Variants in MYRFL observed in about 807,000 individuals in gnomAD.
MYRFL encodes the protein myelin regulatory factor like.
A neutral mutation model predicts 109.4 loss-of-function variants in MYRFL; 88 were observed. That is an observed-to-expected ratio of 0.80 (90% CI 0.68 to 0.96). The LOEUF is 0.96. Among genes scored for constraint, MYRFL ranks in the 40% least tolerant of loss-of-function variants. The pLI is 0.00. For synonymous variants in MYRFL, 324 were observed against 320.9 expected (o/e 1.01, Z -0.10); for missense variants, 957 against 954.9 (o/e 1.00, Z -0.03).
chr12:69,928,347 A>G (rs1001444699), intron 15 of MYRFL, among the ~76,000 whole-genome samples: 1 of 152,220 alleles, frequency 6.6e-6, no homozygotes, highest in African/African-American at 2.4e-5. Context: ...AGAAGCTGCA[A>G]TACACCCTTT....
chr12:69,882,146 G>T (rs890208008), intron 5 of MYRFL, among the ~76,000 whole-genome samples: 9 of 152,148 alleles, frequency 5.9e-5, no homozygotes, highest in Non-Finnish European at 8.8e-5. Flanking sequence ...GAACAACCAT[G>T]GAAGAGTGAT....
In MYRFL at chr12:69,949,154, G is replaced by A. The variant is rs543535709; in HGVS notation, c.2225-2959G>A. Reference sequence around the variant, plus strand: ...GTGAAAGGAGTTGTAACCAGGATAGGGATGTTTAGGAGTGATTGTCCCCAA... The same window carrying A: ...GTGAAAGGAGTTGTAACCAGGATAGAGATGTTTAGGAGTGATTGTCCCCAA... On this transcript the variant is annotated intron_variant, in intron 19 of 24. Coordinates refer to ENST00000552032, the MANE Select transcript of MYRFL (RefSeq NM_182530.3). Among the ~76,000 whole-genome samples the A allele has an allele frequency of 7.6e-4, 116 of 151,816 alleles. 2 individuals are homozygous for A. The highest frequency in any genetic ancestry group is 4.4e-4 in the Non-Finnish European group (30 of 67,968).
At chr12:69,895,710 C>T (rs1953967843) in intron 9 of MYRFL, among the ~76,000 whole-genome samples, 1 of 152,202 alleles carries the variant, frequency 6.6e-6, no homozygotes, top group Admixed American at 6.5e-5. Flanking sequence ...CTGCCCTGCC[C>T]TGTCTCTGCC....
At chr12:69,881,067 G>A (rs1272456) in intron 5 of MYRFL, among the ~76,000 whole-genome samples, 24,185 of 147,648 alleles carry the variant, frequency 0.16, 2,269 homozygotes, top group Middle Eastern at 0.23. Flanking sequence ...AAAATTTTCA[G>A]AGTAAATGCT....
chr12:69,886,305 A>G (rs576879226), intron 5 of MYRFL, among the ~76,000 whole-genome samples: 2 of 152,206 alleles, frequency 1.3e-5, no homozygotes, highest in Admixed American at 1.3e-4. Flanking sequence ...CTTTTCCCTC[A>G]TGTCCGAAAA....
chr12:69,916,008 A>G (rs1294732606), intron 13 of MYRFL, among the ~76,000 whole-genome samples: 3 of 151,838 alleles, frequency 2.0e-5, no homozygotes, highest in Non-Finnish European at 2.9e-5. Context: ...TATTCCTTGG[A>G]CAATTCTTGT....
At chr12:69,852,612 T>G (rs1399706330) in intron 1 of MYRFL, among the ~76,000 whole-genome samples, 2 of 144,188 alleles carry the variant, frequency 1.4e-5, no homozygotes, top group African/African-American at 5.1e-5. Flanking sequence ...TATTTATTGA[T>G]CATTCTTGGG....
intron 5 of MYRFL, among the ~76,000 whole-genome samples, chr12:69,884,123 C>T (rs1886306631): frequency 6.6e-6 from 1 of 152,138 alleles, no homozygotes; most frequent in South Asian, 2.1e-4. Flanking sequence ...GTGTACTCTT[C>T]TTGATGTACA....
At chr12:69,845,331 C>T (rs1883464479) in intron 1 of MYRFL, among the ~76,000 whole-genome samples, 1 of 152,112 alleles carries the variant, frequency 6.6e-6, no homozygotes, top group African/African-American at 2.4e-5. Context: ...ATGGTAGGTC[C>T]TTAGTAAATT....
intron 16 of MYRFL, among the ~76,000 whole-genome samples, chr12:69,933,474 C>A (rs1955335715): frequency 6.6e-6 from 1 of 152,114 alleles, no homozygotes. Context: ...TGGGGCCCGT[C>A]TTAGGGGAGA....
Position 69,903,772 on chromosome 12 carries a change from CT to C in MYRFL, c.1312del (p.Cys438ValfsTer4). On this transcript the variant is annotated frameshift_variant, in exon 11 of 25. Transcript: ENST00000552032. LOFTEE classifies it high-confidence loss of function. ...TDAPDEALVV[C>X]GNMKVMGTIM... is the part of the protein sequence containing the mutation. ...ATGCGCCGGACGAAGCCCTGGTTGT[CT>C]GTGGCAACATGAAAGTGATGGGGAC... is the stretch of plus-strand genomic sequence containing the variant. 6.5e-7 allele frequency: 1 copy of C among 1,535,760 alleles called. No individual in the cohort carries two copies. Among genetic ancestry groups the C allele is most frequent in the Middle Eastern group, 1.7e-4 (1 of 5,982 alleles).
intron 1 of MYRFL, among the ~76,000 whole-genome samples, chr12:69,852,196 T>C (rs567136766): frequency 6.6e-6 from 1 of 152,212 alleles, no homozygotes; most frequent in African/African-American, 2.4e-5. Flanking sequence ...AGAAAACAAA[T>C]ATGTGGGGTT....
At chr12:69,876,454 T>G (rs74101364) in intron 2 of MYRFL, among the ~76,000 whole-genome samples, 4,614 of 152,208 alleles carry the variant, frequency 0.03, 244 homozygotes, top group African/African-American at 0.11. Context: ...GGTAGGAGTT[T>G]AATCATCATA....
At chr12:69,842,079 T>G (rs1160302215) in intron 1 of MYRFL, among the ~76,000 whole-genome samples, 2 of 152,212 alleles carry the variant, frequency 1.3e-5, no homozygotes, top group Non-Finnish European at 2.9e-5. Context: ...ACCAGAATCC[T>G]TAACTACTAT....
At chr12:69,864,661 A>G (rs1299546208) in intron 2 of MYRFL, among the ~76,000 whole-genome samples, 1 of 24,222 alleles carries the variant, frequency 4.1e-5, no homozygotes, top group Non-Finnish European at 7.0e-5. Context: ...ACACACACAC[A>G]CACACACAAA....
chr12:69,952,939 T>C, intron 21 of MYRFL, 53 bp downstream of exon 21: 2 of 1,300,596 alleles, frequency 1.5e-6, no homozygotes, highest in Non-Finnish European at 2.1e-6. Context: ...TACCCATGGC[T>C]CTGGGTTTTT....
intron 2 of MYRFL, among the ~76,000 whole-genome samples, chr12:69,859,048 T>G (rs1884477485): frequency 6.6e-6 from 1 of 152,004 alleles, no homozygotes; most frequent in African/African-American, 2.4e-5. Flanking sequence ...TATATATATT[T>G]TTTTCAGTTC....
chr12:69,952,934 A>G lies in MYRFL; in HGVS notation c.2375+48A>G, dbSNP rs755001875. Reference sequence around the variant, plus strand: ...CCCTGGTTGTTTCTGGAATTTACCCATGGCTCTGGGTTTTTAAGACTGCAG... The same window carrying G: ...CCCTGGTTGTTTCTGGAATTTACCCGTGGCTCTGGGTTTTTAAGACTGCAG... On this transcript the variant is annotated intron_variant, in intron 21 of 24. Coordinates refer to ENST00000552032, the MANE Select transcript of MYRFL (RefSeq NM_182530.3). 5 of 1,359,010 alleles carry G rather than the reference A, an allele frequency of 3.7e-6. No homozygotes were observed. In the South Asian group the frequency reaches 3.9e-5, roughly 11 times the overall value. 84.2% of individuals were successfully genotyped at this position (1,359,010 alleles called of 1,614,324 possible).
chr12:69,842,682 G>A (rs943541011), intron 1 of MYRFL, among the ~76,000 whole-genome samples: 6 of 152,172 alleles, frequency 3.9e-5, no homozygotes, highest in Admixed American at 2.6e-4. Context: ...GAGTCCTGCT[G>A]TTGATTATTT....
Sources: gnomAD v4.1 joint callset for allele counts (sites outside exome capture counted in the v4.1 genomes callset) on GRCh38, gnomAD v4.1.1 for gene constraint, MANE v1.5 for transcripts, NCBI Gene and HGNC (gene_info 2026-07-23, HGNC 2026-07-21) for gene names.